Variants in CDCA2 observed in about 807,000 individuals in gnomAD.
CDCA2 encodes cell division cycle-associated protein 2.
CDCA2 carries 44 observed loss-of-function variants against 67.0 expected under a neutral mutation model. That is an observed-to-expected ratio of 0.66 (90% CI 0.52 to 0.84). The LOEUF (loss-of-function observed/expected upper bound fraction) is 0.84. Ranked by LOEUF, CDCA2 falls within the 40% of genes least tolerant of loss-of-function variation. The pLI is 0.00. For missense variants in CDCA2, 1,253 were observed against 1,203.2 expected, an observed-to-expected ratio of 1.04 and a Z score of -0.61; for synonymous variants, 447 against 418.7, an observed-to-expected ratio of 1.07 and a Z score of -0.82.
intron 8 of CDCA2, among the ~76,000 whole-genome samples, chr8:25,480,528 A>T (rs1377973324): frequency 6.6e-6 from 1 of 152,178 alleles, no homozygotes; most frequent in East Asian, 1.9e-4. Flanking sequence ...TCTTAAAAGT[A>T]CCTCTTATAG....
At chr8:25,474,128 A>T (rs1247155835) in intron 7 of CDCA2, among the ~76,000 whole-genome samples, 1 of 152,196 alleles carries the variant, frequency 6.6e-6, no homozygotes, top group Non-Finnish European at 1.5e-5. Context: ...CCATCCTTGA[A>T]TCCCAGGGAT....
chr8:25,481,642 A>G (rs896621734), intron 8 of CDCA2, among the ~76,000 whole-genome samples: 1 of 152,128 alleles, frequency 6.6e-6, no homozygotes, highest in Middle Eastern at 3.2e-3. Context: ...GTGAGCCGAG[A>G]TTGTGCCCCT....
chr8:25,473,531 G>C (rs1803238271), intron 7 of CDCA2, among the ~76,000 whole-genome samples: 1 of 152,112 alleles, frequency 6.6e-6, no homozygotes, highest in Non-Finnish European at 1.5e-5. Context: ...TTCCAGGAGA[G>C]GGGCTGCATC....
intron 6 of CDCA2, among the ~76,000 whole-genome samples, chr8:25,468,614 T>G (rs1310389956): frequency 1.3e-5 from 2 of 152,022 alleles, no homozygotes; most frequent in African/African-American, 4.8e-5. Flanking sequence ...TATTTATCAC[T>G]TATTAGAAAC....
chr8:25,495,656 G>A (rs1469247336), intron 13 of CDCA2, among the ~76,000 whole-genome samples: 2 of 152,024 alleles, frequency 1.3e-5, no homozygotes, highest in Admixed American at 6.6e-5. Context: ...TGCTGACCTC[G>A]TGATCCGCCC....
chr8:25,505,079 A>T (rs150455076), intron 14 of CDCA2, among the ~76,000 whole-genome samples: 1 of 152,164 alleles, frequency 6.6e-6, no homozygotes, highest in African/African-American at 2.4e-5. Context: ...GTTTAAAGCA[A>T]TTCAGCTCCT....
At chr8:25,468,531 G>GT in intron 6 of CDCA2, 118 bp downstream of exon 6, 6 of 565,654 alleles carry the variant, frequency 1.1e-5, no homozygotes, top group Admixed American at 3.6e-5. Flanking sequence ...GTGGTTCCTG[G>GT]GGTGTGTGTG....
intron 7 of CDCA2, among the ~76,000 whole-genome samples, chr8:25,479,014 A>G (rs1214358811): frequency 1.3e-5 from 2 of 152,078 alleles, no homozygotes; most frequent in Admixed American, 6.6e-5. Flanking sequence ...CAGTAGTGAC[A>G]TGTTGCATAG....
intron 4 of CDCA2, among the ~76,000 whole-genome samples, chr8:25,465,696 A>G (rs1802871121): frequency 6.6e-6 from 1 of 152,166 alleles, no homozygotes; most frequent in African/African-American, 2.4e-5. Context: ...CAAGTGTAGT[A>G]TCTGAGCATG....
chr8:25,497,307 C>T (rs972132918), intron 13 of CDCA2, among the ~76,000 whole-genome samples: 1 of 152,006 alleles, frequency 6.6e-6, no homozygotes, highest in Non-Finnish European at 1.5e-5. Flanking sequence ...CAGACTCAAG[C>T]TGAGTATCCA....
At chr8:25,464,638 A>C (rs1351188077) in intron 4 of CDCA2, among the ~76,000 whole-genome samples, 2 of 152,220 alleles carry the variant, frequency 1.3e-5, no homozygotes, top group South Asian at 4.1e-4. Context: ...AAATTTTTTT[A>C]AGCAGCATTT....
At position 25,507,393 on chromosome 8, in the gene CDCA2, A is replaced by C; in HGVS notation, c.2727A>C (p.Ser909=). 5 of 1,613,894 alleles carry C rather than the reference A, an allele frequency of 3.1e-6. No individual in the cohort carries two copies. Among genetic ancestry groups the C allele is most frequent in the Non-Finnish European group, 4.2e-6 (5 of 1,179,962 alleles). The part of the protein sequence containing the change: ...DLENEGLVWI[S]LPLPSTSQKA... ...AAAACGAAGGTCTTGTATGGATTTCACTTCCACTTCCTTCCACTTCCCAAA... is the reference window on the plus strand; with the variant it reads ...AAAACGAAGGTCTTGTATGGATTTCCCTTCCACTTCCTTCCACTTCCCAAA... Residue 909 remains serine (S), a synonymous_variant, in exon 15 of 15, where the codon TCA becomes TCC. Transcript: ENST00000330560.
Position 25,480,056 on chromosome 8 carries a change from C to T in CDCA2, c.964C>T (p.Pro322Ser). 6.2e-7 allele frequency: 1 copy of T among 1,614,110 alleles called. No homozygotes were observed. The highest frequency in any genetic ancestry group is 8.5e-7 in the Non-Finnish European group (1 of 1,180,036). ...TPACRRDLPT[P>S]KTFVLRSVLK... ...AGCCTGCAGGAGGGACCTTCCCACC[C>T]CCAAGACCTTTGTACTTCGTTCTGT... Residue 322 changes from proline to serine, a missense_variant, in exon 8 of 15, where the codon CCC (proline) becomes TCC (serine). By Grantham distance (74) the Pro-to-Ser change is moderately conservative. Coordinates refer to ENST00000330560, the MANE Select transcript of CDCA2 (RefSeq NM_152562.4).
intron 9 of CDCA2, 60 bp downstream of exon 9, chr8:25,483,546 A>T: frequency 1.7e-6 from 2 of 1,196,624 alleles, no homozygotes; most frequent in Non-Finnish European, 2.4e-6. Context: ...AGTAAAACCT[A>T]GTATAATATA....
At chr8:25,476,864 T>C (rs903673305) in intron 7 of CDCA2, among the ~76,000 whole-genome samples, 1 of 152,060 alleles carries the variant, frequency 6.6e-6, no homozygotes, top group Non-Finnish European at 1.5e-5. Flanking sequence ...TCTACCCTCT[T>C]TTTTAGGGAC....
rs1804702163 is a variant in CDCA2, at chr8:25,506,883, T to C, written c.2217T>C (p.Phe739=). ...TGACCCTGCAGCAGGGTCAAGAATT[T>C]TCTGCTGGTGGTCAAAATGCAGAAA... is the stretch of plus-strand genomic sequence containing the variant. ...PALTLQQGQE[F]SAGGQNAENL... The change falls in exon 15 of 15, where the codon TTT becomes TTC. Residue 739 remains phenylalanine (F), a synonymous_variant. Transcript: ENST00000330560. 6.2e-7 allele frequency: 1 copy of C among 1,611,796 alleles called. No individual in the cohort carries two copies. Among genetic ancestry groups the C allele is most frequent in the African/African-American group, 1.3e-5 (1 of 74,770 alleles).
At chr8:25,491,671 T>C (rs776707195) in intron 13 of CDCA2, among the ~76,000 whole-genome samples, 1 of 152,020 alleles carries the variant, frequency 6.6e-6, no homozygotes, top group African/African-American at 2.4e-5. Context: ...GGCTGGAGTG[T>C]AGTGCTGTGG....
chr8:25,463,863 G>C (rs1802797315), intron 4 of CDCA2, among the ~76,000 whole-genome samples: 1 of 152,128 alleles, frequency 6.6e-6, no homozygotes, highest in Admixed American at 6.6e-5. Context: ...GGGCACACTG[G>C]CTTTTCTGCC....
At chr8:25,506,003 T>A (rs2117558995) in intron 14 of CDCA2, among the ~76,000 whole-genome samples, 1 of 152,294 alleles carries the variant, frequency 6.6e-6, no homozygotes, top group Middle Eastern at 3.4e-3. Flanking sequence ...TTATAGTAAT[T>A]TTTAACAAAG....
Sources: allele counts gnomAD v4.1 joint callset (sites outside exome capture counted in the v4.1 genomes callset), GRCh38; gene constraint gnomAD v4.1.1; transcripts MANE v1.5; gene names NCBI Gene and HGNC (gene_info 2026-07-23, HGNC 2026-07-21).